Variants in PHF24 observed in about 807,000 individuals in gnomAD.
The protein encoded by PHF24 is PHD finger protein 24, also known as Galpha inhibitory interacting protein.
PHF24 carries 25 observed loss-of-function variants against 42.6 expected under a neutral mutation model. The ratio of observed to expected loss-of-function variants is 0.59; its 90% CI spans 0.43 to 0.82. The LOEUF (loss-of-function observed/expected upper bound fraction) is 0.82. PHF24 is among the 40% of genes least tolerant of loss of function. PHF24 has a pLI of 0.00. For synonymous variants in PHF24, 185 were observed against 204.8 expected (o/e 0.90, Z 0.83); for missense variants, 470 against 538.1 (o/e 0.87, Z 1.25).
At chr9:34,875,880 C>A in the PHF24 span, among the ~76,000 whole-genome samples, 1 of 147,084 alleles carries the variant, frequency 6.8e-6, no homozygotes, top group African/African-American at 2.5e-5. Context: ...AGGTCAATAG[C>A]CTAAGCAAAA....
the PHF24 span, among the ~76,000 whole-genome samples, chr9:34,813,882 C>G: frequency 2.6e-5 from 4 of 151,610 alleles, no homozygotes; most frequent in Admixed American, 2.6e-4. Flanking sequence ...TGTTAGAGAC[C>G]GTCCCCACCA....
chr9:34,837,175 T>C, the PHF24 span: 10 of 469,390 alleles, frequency 2.1e-5, no homozygotes, highest in South Asian at 1.6e-4. Context: ...ATGGTAGAGT[T>C]TTCAGAGTAT....
At chr9:34,935,801 T>C in the PHF24 span, among the ~76,000 whole-genome samples, 1 of 151,408 alleles carries the variant, frequency 6.6e-6, no homozygotes, top group Non-Finnish European at 1.5e-5. Context: ...CTGATGAGAA[T>C]GCGAAAATTA....
At chr9:34,723,298 G>A in the PHF24 span, 1 of 1,551,738 alleles carries the variant, frequency 6.4e-7, no homozygotes, top group Non-Finnish European at 8.7e-7. Context: ...AGTGGCGGGG[G>A]TAGCCCAGGG....
the PHF24 span, among the ~76,000 whole-genome samples, chr9:34,945,921 C>A: frequency 6.6e-6 from 1 of 152,184 alleles, no homozygotes; most frequent in Non-Finnish European, 1.5e-5. Context: ...TTCCTCAAGC[C>A]AAAGTAGCCT....
the PHF24 span, among the ~76,000 whole-genome samples, chr9:34,926,871 C>T: frequency 3.9e-5 from 6 of 152,188 alleles, no homozygotes; most frequent in Non-Finnish European, 5.9e-5. The surrounding 1 kb of genome is among the most constrained non-coding windows in gnomAD (Gnocchi z 4.3). Flanking sequence ...TTCTCAAGTC[C>T]TGGATGTGGG....
the PHF24 span, chr9:34,724,280 C>T: frequency 5.2e-6 from 8 of 1,551,368 alleles, no homozygotes; most frequent in Admixed American, 3.9e-5. Context: ...GTGGGCAGAA[C>T]CCTGGGGTAC....
the PHF24 span, among the ~76,000 whole-genome samples, chr9:34,926,618 G>C: frequency 6.6e-6 from 1 of 152,164 alleles, no homozygotes; most frequent in African/African-American, 2.4e-5. This position sits in a 1 kb window ranked among gnomAD's most constrained non-coding sequence, Gnocchi z 4.3. Context: ...GAGGTGGCCT[G>C]TGGGGCTGTT....
In PHF24 at chr9:34,977,287, T is replaced by C. The variant is rs148159853; in HGVS notation, c.1010+44T>C. 4,936 of 1,539,780 alleles carry C rather than the reference T, an allele frequency of 3.2e-3. 10 individuals carry two copies. The highest frequency in any genetic ancestry group is 3.9e-3 in the Non-Finnish European group (4,468 of 1,142,470). On this transcript the variant is annotated intron_variant, in intron 6 of 7. Coordinates refer to ENST00000242315, the Ensembl canonical transcript of PHF24. ...CTGGTCCCCACTCAGCCTCTCCTCC[T>C]CCCTTTTCCATGCCAGTGGCCCTTC... is the stretch of plus-strand genomic sequence containing the variant.
At chr9:34,809,047 AAATAAT>A in the PHF24 span, among the ~76,000 whole-genome samples, 1 of 49,954 alleles carries the variant, frequency 2.0e-5, no homozygotes, top group African/African-American at 5.1e-5. The surrounding 1 kb of genome is among the most constrained non-coding windows in gnomAD (Gnocchi z 4.1). Flanking sequence ...TAAAAAAAAA[AAATAAT>A]AAATAAATAA....
At chr9:34,904,735 T>A in the PHF24 span, among the ~76,000 whole-genome samples, 1 of 140,928 alleles carries the variant, frequency 7.1e-6, no homozygotes, top group East Asian at 2.0e-4. Flanking sequence ...GATGCCAGCT[T>A]CATAGAATGA....
the PHF24 span, among the ~76,000 whole-genome samples, chr9:34,783,819 G>A: frequency 2.6e-5 from 4 of 152,064 alleles, no homozygotes; most frequent in African/African-American, 4.8e-5. Context: ...AGTGAATAGC[G>A]GTTTCTGGAA....
the PHF24 span, among the ~76,000 whole-genome samples, chr9:34,783,901 A>G: frequency 1.3e-5 from 2 of 152,152 alleles, no homozygotes; most frequent in South Asian, 4.1e-4. Flanking sequence ...CCCATTTGTA[A>G]TTTTTAGGTA....
the PHF24 span, among the ~76,000 whole-genome samples, chr9:34,891,239 T>C: frequency 6.6e-6 from 1 of 152,280 alleles, no homozygotes; most frequent in East Asian, 1.9e-4. Flanking sequence ...CTGATATGTG[T>C]CACTTCCAGG....
chr9:34,820,930 C>T, the PHF24 span, among the ~76,000 whole-genome samples: 2 of 152,134 alleles, frequency 1.3e-5, no homozygotes, highest in African/African-American at 4.8e-5. Context: ...GCCATTCTGA[C>T]TGGTGTGAAA....
chr9:34,802,016 C>A, the PHF24 span, among the ~76,000 whole-genome samples: 1 of 152,122 alleles, frequency 6.6e-6, no homozygotes, highest in Non-Finnish European at 1.5e-5. Flanking sequence ...CACGGCACAT[C>A]TATACCTATG....
the PHF24 span, among the ~76,000 whole-genome samples, chr9:34,817,270 G>A: frequency 1.3e-5 from 2 of 151,950 alleles, no homozygotes; most frequent in South Asian, 4.2e-4. Flanking sequence ...TCAGAGACAG[G>A]GTCTTACTTT....
At chr9:34,725,020 C>T in the PHF24 span, 1 of 1,551,904 alleles carries the variant, frequency 6.4e-7, no homozygotes, top group Admixed American at 2.0e-5. Flanking sequence ...GGGCCGTTGG[C>T]ATCCAGGGCA....
the PHF24 span, chr9:34,922,132 A>G: frequency 6.9e-7 from 1 of 1,454,284 alleles, no homozygotes; most frequent in Non-Finnish European, 9.5e-7. Context: ...TGGATGACAA[A>G]TGGTCTACTG....
Sources: allele counts gnomAD v4.1 joint callset (sites outside exome capture counted in the v4.1 genomes callset), GRCh38; gene constraint gnomAD v4.1.1; non-coding constraint Gnocchi (gnomAD v3.1); transcripts MANE v1.5; gene names NCBI Gene and HGNC (gene_info 2026-07-23, HGNC 2026-07-21).